Variants in PSPH observed in about 807,000 individuals in gnomAD.
PSPH encodes the protein phosphoserine phosphatase.
Under a neutral mutation model 23.4 loss-of-function variants are expected in PSPH, and 16 were observed. The observed-to-expected ratio is 0.68, with a 90% CI of 0.46 to 1.04. The LOEUF (loss-of-function observed/expected upper bound fraction) is 1.04, where lower values mean the gene tolerates loss of function less well. Among genes scored for constraint, PSPH ranks in the 50% least tolerant of loss-of-function variants. The pLI is 0.00. For missense variants in PSPH, 223 were observed against 273.7 expected (o/e 0.81, Z 1.31); for synonymous variants, 68 against 99.7 (o/e 0.68, Z 1.89).
At chr7:56,040,387 A>G (rs1792366524) in intron 1 of PSPH, among the ~76,000 whole-genome samples, 1 of 151,680 alleles carries the variant, frequency 6.6e-6, no homozygotes, top group Admixed American at 6.6e-5. Context: ...TCATTTATTT[A>G]CTTATTTATT....
chr7:56,027,158 T>TA (rs985277171), intron 3 of PSPH, among the ~76,000 whole-genome samples: 2 of 148,694 alleles, frequency 1.3e-5, no homozygotes, highest in African/African-American at 5.0e-5. Flanking sequence ...CGAGCCGAGA[T>TA]TGCGCTATTG....
intron 3 of PSPH, among the ~76,000 whole-genome samples, chr7:56,029,686 C>A (rs2116873378): frequency 6.6e-6 from 1 of 152,182 alleles, no homozygotes; most frequent in Non-Finnish European, 1.5e-5. Flanking sequence ...CTAAGATCAC[C>A]TTACTTCCTT....
At chr7:56,049,496 T>TG (rs1382014395) in intron 1 of PSPH, among the ~76,000 whole-genome samples, 2 of 151,740 alleles carry the variant, frequency 1.3e-5, no homozygotes, top group East Asian at 2.0e-4. Context: ...TGGAGTGCAG[T>TG]AATGCAGTCT....
At chr7:56,039,061 T>G (rs1195396086) in intron 1 of PSPH, among the ~76,000 whole-genome samples, 1 of 150,100 alleles carries the variant, frequency 6.7e-6, no homozygotes, top group Non-Finnish European at 1.5e-5. Flanking sequence ...GATAATCGCT[T>G]GAACCCGGGA....
chr7:56,040,187 T>C (rs183171820), intron 1 of PSPH, among the ~76,000 whole-genome samples: 134 of 152,170 alleles, frequency 8.8e-4, no homozygotes, highest in Admixed American at 3.4e-3. Context: ...AATATAAACA[T>C]TGGCATTCAA....
intron 3 of PSPH, among the ~76,000 whole-genome samples, chr7:56,023,090 C>T (rs1357820996): frequency 6.6e-6 from 1 of 151,676 alleles, no homozygotes; most frequent in Non-Finnish European, 1.5e-5. Flanking sequence ...AAATAAAGTC[C>T]AGGGAGAATA....
chr7:56,017,990 T>C (rs1270107412), intron 5 of PSPH, among the ~76,000 whole-genome samples: 2 of 151,600 alleles, frequency 1.3e-5, no homozygotes, highest in African/African-American at 4.8e-5. Flanking sequence ...CCCAAAGTGC[T>C]GGGATTACAT....
rs769845268 is a variant in PSPH, at chr7:56,017,285, T to G, written c.370A>C (p.Asn124His). 17 of 1,613,974 alleles carry G rather than the reference T, an allele frequency of 1.1e-5. No individual in the cohort carries two copies. Among genetic ancestry groups the G allele is most frequent in the Non-Finnish European group, 1.4e-5 (17 of 1,179,862 alleles). ...SIVEHVASKL[N>H]IPATNVFANR... ...GCAAATACATTGGTTGCTGGGATAT[T>G]GAGCTTTGAAGCAACATGCTCTACA... Residue 124 changes from asparagine to histidine, a missense_variant, in exon 6 of 8, where the codon AAT becomes CAT. Transcript: ENST00000275605.
At chr7:56,047,871 T>G (rs1362895243) in intron 1 of PSPH, among the ~76,000 whole-genome samples, 1 of 152,146 alleles carries the variant, frequency 6.6e-6, no homozygotes, top group Non-Finnish European at 1.5e-5. Context: ...TTGCACCATG[T>G]TGGCCAGGAT....
At chr7:56,013,520 A>AAAAT (rs36126335) in intron 7 of PSPH, among the ~76,000 whole-genome samples, 106,463 of 151,010 alleles carry the variant, frequency 0.71, 37,911 homozygotes, top group Non-Finnish European at 0.76. Context: ...CCTGTCTCAA[A>AAAAT]AAATAAAACC....
At chr7:56,021,425 C>CT (rs60876463) in intron 3 of PSPH, among the ~76,000 whole-genome samples, 194 bp from the exon 4 acceptor site, 61,368 of 130,520 alleles carry the variant, frequency 0.47, 10,535 homozygotes, top group East Asian at 0.58. Flanking sequence ...TTCTTTCTTT[C>CT]TTTTTTTTTT....
In PSPH at chr7:56,024,303, C is replaced by T. The variant is rs532875457; in HGVS notation, c.-19-3072G>A. Among the ~76,000 whole-genome samples the T allele has an allele frequency of 4.6e-5, 7 of 151,858 alleles. No homozygotes were observed. The East Asian group carries it at 1.2e-3, about 25-fold the overall frequency. ...CATAGCTCACTGTAGCCTCAAACTC[C>T]TGGGCTCAAGTGAACCTTCCATCAT... On this transcript the variant is annotated intron_variant, in intron 3 of 7. Coordinates refer to ENST00000275605, the MANE Select transcript of PSPH (RefSeq NM_004577.4).
At chr7:56,036,702 C>T (rs1435121063) in intron 1 of PSPH, among the ~76,000 whole-genome samples, 1 of 152,074 alleles carries the variant, frequency 6.6e-6, no homozygotes, top group Non-Finnish European at 1.5e-5. Flanking sequence ...ATACTCACAC[C>T]TATATTGATA....
chr7:56,038,469 A>G (rs1233311394), intron 1 of PSPH, among the ~76,000 whole-genome samples: 1 of 151,554 alleles, frequency 6.6e-6, no homozygotes, highest in Non-Finnish European at 1.5e-5. Context: ...AAAAACAAAC[A>G]GACAAAAAAC....
intron 3 of PSPH, among the ~76,000 whole-genome samples, chr7:56,023,875 G>A (rs2099909021): frequency 6.6e-6 from 1 of 151,952 alleles, no homozygotes. Flanking sequence ...ACCTGGTTTG[G>A]TATGGCTCAC....
intron 4 of PSPH, 40 bp from the exon 5 acceptor site, chr7:56,019,774 T>A (rs927670275): frequency 1.2e-6 from 2 of 1,609,188 alleles, no homozygotes; most frequent in South Asian, 1.1e-5. Flanking sequence ...CCAGGTCCGA[T>A]GTCCTCAAGG....
intron 5 of PSPH, among the ~76,000 whole-genome samples, chr7:56,018,654 C>T (rs1788913322): frequency 6.6e-6 from 1 of 151,932 alleles, no homozygotes. Flanking sequence ...TAGCAAGACC[C>T]CCATCTCTAC....
intron 1 of PSPH, 98 bp downstream of exon 1, chr7:56,051,040 G>T (rs1226789838): frequency 1.3e-5 from 2 of 152,110 alleles, no homozygotes; most frequent in Admixed American, 6.6e-5. Flanking sequence ...TTTACAAAAA[G>T]AAAATAAATA....
At chr7:56,027,711 C>T (rs1419970309) in intron 3 of PSPH, among the ~76,000 whole-genome samples, 1 of 147,962 alleles carries the variant, frequency 6.8e-6, no homozygotes, top group Non-Finnish European at 1.5e-5. Context: ...AAAAGGCCAA[C>T]CAGGTACTTG....
Sources: allele counts gnomAD v4.1 joint callset (sites outside exome capture counted in the v4.1 genomes callset), GRCh38; gene constraint gnomAD v4.1.1; transcripts MANE v1.5; gene names NCBI Gene and HGNC (gene_info 2026-07-23, HGNC 2026-07-21).